Variants in TTYH2 observed in about 807,000 individuals in gnomAD.
TTYH2 encodes the protein protein tweety homolog 2.
Under a neutral mutation model 68.3 loss-of-function variants are expected in TTYH2, and 49 were observed. The observed-to-expected ratio is 0.72, with a 90% confidence interval of 0.57 to 0.91. The LOEUF is 0.91. Among genes scored for constraint, TTYH2 ranks in the 40% least tolerant of loss-of-function variants. The pLI is 0.00. For synonymous variants in TTYH2, 272 were observed against 300.8 expected (o/e 0.90, Z 0.99); for missense variants, 631 against 700.4 (o/e 0.90, Z 1.12).
intron 6 of TTYH2, 21 bp from the exon 7 acceptor site, chr17:74,248,990 G>T (rs199866086): frequency 3.1e-6 from 5 of 1,613,870 alleles, no homozygotes; most frequent in South Asian, 1.1e-5. Context: ...CCTCCACCCC[G>T]TCCCTCTCTC....
chr17:74,213,834 C>T lies in TTYH2; in HGVS notation c.129+118C>T. 1 of 1,315,662 alleles carries T rather than the reference C, an allele frequency of 7.6e-7. No homozygotes were observed. Among genetic ancestry groups the T allele is most frequent in the Non-Finnish European group, 1.0e-6 (1 of 963,812 alleles). The allele number at this position is 1,315,662 out of a possible 1,614,324, so 81.5% of individuals were successfully genotyped here. On this transcript the variant is annotated intron_variant, in intron 1 of 13. Transcript: ENST00000269346. This position sits in a 1 kb window ranked among gnomAD's most constrained non-coding sequence, Gnocchi z 6.1. ...CTCTCAGACCCCTTCTCTCCCCGCG[C>T]AGCCCTTTCCCGTCTCCCCTCTCCC...
At chr17:74,249,898 C>T (rs368462529) in intron 8 of TTYH2, 38 bp from the exon 9 acceptor site, 7 of 1,554,464 alleles carry the variant, frequency 4.5e-6, no homozygotes, top group Non-Finnish European at 6.2e-6. Flanking sequence ...TCCTGGGAGA[C>T]GGAGCCTCAC....
At chr17:74,257,864 G>T (rs1027107150) in intron 13 of TTYH2, among the ~76,000 whole-genome samples, 2 of 152,164 alleles carry the variant, frequency 1.3e-5, no homozygotes, top group Non-Finnish European at 2.9e-5. Context: ...CTTTAAGAAG[G>T]AGGGTCTTGG....
intron 11 of TTYH2, among the ~76,000 whole-genome samples, chr17:74,252,878 C>T (rs959704466): frequency 6.6e-6 from 1 of 152,088 alleles, no homozygotes; most frequent in Admixed American, 6.5e-5. Context: ...TGGTGGGGAG[C>T]CTGGAAGAGC....
chr17:74,253,937 TTCTG>T (rs1331718232), intron 13 of TTYH2, 104 bp downstream of exon 13: 2 of 1,265,454 alleles, frequency 1.6e-6, no homozygotes, highest in Non-Finnish European at 2.3e-6. Flanking sequence ...AATGAAACTG[TTCTG>T]TTATTGAATA....
At chr17:74,226,063 G>T (rs1433050238) in intron 2 of TTYH2, among the ~76,000 whole-genome samples, 2 of 152,244 alleles carry the variant, frequency 1.3e-5, no homozygotes, top group Non-Finnish European at 2.9e-5. Context: ...GGATGGGGTG[G>T]CAGTGCTATC....
chr17:74,232,635 GCT>G lies in TTYH2; in HGVS notation c.414+1643_414+1644del, dbSNP rs1201726120. Among the ~76,000 whole-genome samples the G allele has an allele frequency of 1.3e-5, 2 of 152,100 alleles. No individual in the cohort carries two copies. The highest frequency in any genetic ancestry group is 2.9e-5 in the Non-Finnish European group (2 of 67,996). ...GGGCCCCATGGTCACTGCCCTCTAG[GCT>G]CTCTCTGCCCCTCCCTGCCATCCTG... On this transcript the variant is annotated intron_variant, in intron 3 of 13. Transcript: ENST00000269346. This position sits in a 1 kb window ranked among gnomAD's most constrained non-coding sequence, Gnocchi z 5.1.
chr17:74,249,360 C>T lies in TTYH2; in HGVS notation c.891C>T (p.Tyr297=). Residue 297 remains tyrosine, a synonymous_variant, in exon 8 of 14, where the codon TAC becomes TAT. Coordinates refer to ENST00000269346, the MANE Select transcript of TTYH2 (RefSeq NM_032646.6). ...GCCCTGCAGAGGTGACTCGCTACTA[C>T]CTGTATTGCAGCCAGAGTGGAAGCA... ...GQISTEVTRY[Y]LYCSQSGSSP... is the part of the protein sequence containing the mutation. 6.2e-7 allele frequency: 1 copy of T among 1,614,154 alleles called. No individual in the cohort carries two copies. Among genetic ancestry groups the T allele is most frequent in the Non-Finnish European group, 8.5e-7 (1 of 1,180,022 alleles).
chr17:74,217,896 TG>T lies in TTYH2; in HGVS notation c.129+4181del, dbSNP rs1157287234. Reference sequence around the variant, plus strand: ...CTTTGATGAGGGGAGAGGCAGAGTCTGAGCACCAGTGTGGGAGCTGGGGGCC... The same window carrying T: ...CTTTGATGAGGGGAGAGGCAGAGTCTAGCACCAGTGTGGGAGCTGGGGGCC... On this transcript the variant is annotated intron_variant, in intron 1 of 13. Transcript: ENST00000269346. The surrounding 1 kb of genome is among the most constrained non-coding windows in gnomAD (Gnocchi z 4.0). Among the ~76,000 whole-genome samples the T allele has an allele frequency of 3.9e-5, 6 of 152,108 alleles. No individual in the cohort carries two copies. The highest frequency in any genetic ancestry group is 9.7e-5 in the African/African-American group (4 of 41,404).
At chr17:74,248,981 C>T (rs1461628996) in intron 6 of TTYH2, 30 bp from the exon 7 acceptor site, 1 of 1,613,772 alleles carries the variant, frequency 6.2e-7, no homozygotes, top group Non-Finnish European at 8.5e-7. Context: ...CCTGATTTTC[C>T]TCCACCCCGT....
intron 5 of TTYH2, 66 bp downstream of exon 5, chr17:74,243,535 G>A (rs1002453808): frequency 4.5e-6 from 7 of 1,548,798 alleles, no homozygotes; most frequent in East Asian, 2.2e-5. Context: ...AGAGAGAGAC[G>A]AGGGCCTGGC....
chr17:74,216,370 A>G (rs1164007527), intron 1 of TTYH2, among the ~76,000 whole-genome samples: 1 of 152,116 alleles, frequency 6.6e-6, no homozygotes, highest in East Asian at 1.9e-4. Context: ...AAGGATGGAA[A>G]CAGGCAGGTG....
intron 6 of TTYH2, among the ~76,000 whole-genome samples, chr17:74,245,915 C>T (rs1187575100): frequency 6.6e-6 from 1 of 151,260 alleles, no homozygotes; most frequent in Admixed American, 6.6e-5. Context: ...CCCTCCCTGT[C>T]CCTAGAAAGG....
rs1253884380 is a variant in TTYH2 at position 74,215,703 on chromosome 17, C to A, written c.129+1987C>A. 1.3e-6 allele frequency: 2 copies of A among 1,533,322 alleles called. No homozygotes were observed. The highest frequency in any genetic ancestry group is 1.7e-6 in the Non-Finnish European group (2 of 1,146,882). 95.0% of individuals were successfully genotyped at this position (1,533,322 alleles called of 1,614,324 possible). Reference sequence around the variant, plus strand: ...GCTCTGGGTGTTATTTAAGGTGGCTCCTGTTTTTGGTAAGTTCCCCTGTTG... The same window carrying A: ...GCTCTGGGTGTTATTTAAGGTGGCTACTGTTTTTGGTAAGTTCCCCTGTTG... On this transcript the variant is annotated intron_variant, in intron 1 of 13. Coordinates refer to ENST00000269346, the MANE Select transcript of TTYH2 (RefSeq NM_032646.6). The surrounding 1 kb of genome is among the most constrained non-coding windows in gnomAD (Gnocchi z 4.3).
intron 6 of TTYH2, among the ~76,000 whole-genome samples, chr17:74,244,449 G>A (rs77603576): frequency 0.046 from 7,032 of 152,296 alleles, 192 homozygotes; most frequent in South Asian, 0.11. Context: ...AATCCCTCCC[G>A]CATCAGAAGC....
In TTYH2 at chr17:74,250,257, C is replaced by G. The variant is rs756796469; in HGVS notation, c.1024-8C>G. 1.2e-6 allele frequency: 2 copies of G among 1,610,606 alleles called. No homozygotes were observed. The highest frequency in any genetic ancestry group is 1.7e-6 in the Non-Finnish European group (2 of 1,178,150). ...CCCTCGGCCTCTCTCGCTCTCTTCC[C>G]GCTTCAGGAAGACCTGCTTGCAATC... On this transcript the variant is annotated splice_region_variant and splice_polypyrimidine_tract_variant and intron_variant, in intron 9 of 13. Coordinates refer to ENST00000269346, the MANE Select transcript of TTYH2 (RefSeq NM_032646.6).
intron 4 of TTYH2, among the ~76,000 whole-genome samples, chr17:74,240,392 T>C (rs1024552588): frequency 6.6e-6 from 1 of 151,868 alleles, no homozygotes; most frequent in Non-Finnish European, 1.5e-5. Flanking sequence ...TGAGCCGAGA[T>C]TGCGCCACTG....
At chr17:74,228,980 T>G (rs1237069446) in intron 2 of TTYH2, among the ~76,000 whole-genome samples, 2 of 152,150 alleles carry the variant, frequency 1.3e-5, no homozygotes, top group African/African-American at 4.8e-5. Context: ...AGCTGTCTGA[T>G]GGGGCACGGT....
In TTYH2 at chr17:74,213,825, C is replaced by T; in HGVS notation, c.129+109C>T. 7.3e-7 allele frequency: 1 copy of T among 1,375,256 alleles called. No individual in the cohort carries two copies. Among genetic ancestry groups the T allele is most frequent in the Non-Finnish European group, 9.9e-7 (1 of 1,011,150 alleles). 85.2% of individuals were successfully genotyped at this position (1,375,256 alleles called of 1,614,324 possible). On this transcript the variant is annotated intron_variant, in intron 1 of 13. Coordinates refer to ENST00000269346, the MANE Select transcript of TTYH2 (RefSeq NM_032646.6). This position sits in a 1 kb window ranked among gnomAD's most constrained non-coding sequence, Gnocchi z 6.1. ...CCCACGTGCCTCTCAGACCCCTTCT[C>T]TCCCCGCGCAGCCCTTTCCCGTCTC...
Sources: gnomAD v4.1 joint callset for allele counts (sites outside exome capture counted in the v4.1 genomes callset) on GRCh38, gnomAD v4.1.1 for gene constraint, Gnocchi (gnomAD v3.1) non-coding constraint, MANE v1.5 for transcripts, NCBI Gene and HGNC (gene_info 2026-07-23, HGNC 2026-07-21) for gene names.